MAPK8IP2: variants seen among roughly 807,000 people sequenced by gnomAD.
The protein encoded by MAPK8IP2 is mitogen-activated protein kinase 8 interacting protein 2.
MAPK8IP2 carries 15 observed loss-of-function variants against 75.6 expected under a neutral mutation model. The ratio of observed to expected loss-of-function variants is 0.20; its 90% CI spans 0.13 to 0.31. The LOEUF is 0.31. Ranked by LOEUF, MAPK8IP2 falls within the 10% of genes least tolerant of loss-of-function variation. The probability of loss-of-function intolerance (pLI) is 1.00; values close to 1 mark genes in which losing one functional copy is unlikely to be tolerated. For synonymous variants in MAPK8IP2, 632 were observed against 554.5 expected (o/e 1.14, Z -1.96); for missense variants, 1,089 against 1,211.2 (o/e 0.90, Z 1.50).
chr22:50,604,412 G>C lies in MAPK8IP2; in HGVS notation c.1113G>C (p.Gln371His). The C allele has an allele frequency of 6.6e-7, 1 of 1,503,946 alleles. No individual in the cohort carries two copies. Among genetic ancestry groups the C allele is most frequent in the Non-Finnish European group, 8.8e-7 (1 of 1,131,272 alleles). 93.2% of individuals were successfully genotyped at this position (1,503,946 alleles called of 1,614,324 possible). ...CCTCGCCCATCCGCTGCCCCGGCCA[G>C]TGCCTGTCTCCTGCGCCGCGCCCGC... ...EGSSPIRCPG[Q>H]CLSPAPRPPG... The change falls in exon 5 of 12, where the codon CAG (glutamine) becomes CAC (histidine). Residue 371 changes from glutamine (Q) to histidine (H), a missense_variant. Gln to His is a conservative substitution (Grantham distance 24, BLOSUM62 0). Transcript: ENST00000329492.
In MAPK8IP2 at chr22:50,610,599, G is replaced by T; in HGVS notation, c.2403-108G>T. Reference sequence around the variant, plus strand: ...TGGCCATGCCTGGGTGGGGGGTTATGGATGGCTGCAGAGGGAGGAAGGAGG... The same window carrying T: ...TGGCCATGCCTGGGTGGGGGGTTATTGATGGCTGCAGAGGGAGGAAGGAGG... On this transcript the variant is annotated intron_variant, in intron 11 of 11. Transcript: ENST00000329492. This position sits in a 1 kb window ranked among gnomAD's most constrained non-coding sequence, Gnocchi z 4.3. The T allele has an allele frequency of 1.1e-6, 1 of 910,466 alleles. No individual in the cohort carries two copies. The highest frequency in any genetic ancestry group is 1.7e-6 in the Non-Finnish European group (1 of 582,308). 56.4% of individuals were successfully genotyped at this position (910,466 alleles called of 1,614,324 possible). A position where few individuals can be genotyped will look rare whatever the true frequency, so the allele number is the denominator to read the frequency against.
In MAPK8IP2 at chr22:50,603,463, C is replaced by A; in HGVS notation, c.412C>A (p.Pro138Thr). 6.4e-7 allele frequency: 1 copy of A among 1,567,402 alleles called. No individual in the cohort carries two copies. The part of the protein sequence containing the change: ...PSVEEPHKHR[P>T]TTLRLTTLGA... ...CGTGGAGGAGCCCCACAAGCACCGG[C>A]CCACCACCCTCCGTCTGACCACACT... The change falls in exon 3 of 12, where the codon CCC becomes ACC. Residue 138 changes from proline (P) to threonine (T), a missense_variant. Around this residue, in one of 2 missense-constraint regions of MAPK8IP2, gnomAD observed 960 missense variants for 1,009.6 expected, o/e 0.95. Transcript: ENST00000329492.
chr22:50,610,638 C>G lies in MAPK8IP2; in HGVS notation c.2403-69C>G. On this transcript the variant is annotated intron_variant, in intron 11 of 11. Coordinates refer to ENST00000329492, the MANE Select transcript of MAPK8IP2 (RefSeq NM_012324.6). The surrounding 1 kb of genome is among the most constrained non-coding windows in gnomAD (Gnocchi z 4.3). ...GGAGGAAGGAGGGAGAGCTCAGAGG[C>G]TCTGTGGAAGGCAGTTTGGGGGTTG... is the stretch of plus-strand genomic sequence containing the variant. 7.8e-7 allele frequency: 1 copy of G among 1,280,928 alleles called. No homozygotes were observed. The highest frequency in any genetic ancestry group is 1.1e-6 in the Non-Finnish European group (1 of 900,926). 79.3% of individuals were successfully genotyped at this position (1,280,928 alleles called of 1,614,324 possible).
chr22:50,612,301 G>A lies in MAPK8IP2; in HGVS notation c.*1522G>A, dbSNP rs1485830679. 6.6e-6 allele frequency: 1 copy of A among 152,242 alleles called. No homozygotes were observed. The highest frequency in any genetic ancestry group is 1.5e-5 in the Non-Finnish European group (1 of 68,042). 9.4% of individuals were successfully genotyped at this position (152,242 alleles called of 1,614,324 possible). ...TAGGTGACTGCAGATGCCCGGCAATGTTCCCTCCCAGGCCCTCCTGGGTGA... is the reference window on the plus strand; with the variant it reads ...TAGGTGACTGCAGATGCCCGGCAATATTCCCTCCCAGGCCCTCCTGGGTGA... On this transcript the variant is annotated 3_prime_UTR_variant, in exon 12 of 12. Transcript: ENST00000329492.
intron 1 of MAPK8IP2, 41 bp downstream of exon 1, chr22:50,600,924 C>T (rs1241702356): frequency 4.1e-6 from 4 of 978,878 alleles, no homozygotes; most frequent in Admixed American, 7.2e-5. Context: ...CCCTCCGCTC[C>T]CTGCGCACCC....
rs1460946315 is a variant in MAPK8IP2, at chr22:50,604,989, T to C, written c.1690T>C (p.Ser564Pro). Reference protein sequence around the residue: ...LGGGQVSGDTSPDSPDLTFSK... With the variant: ...LGGGQVSGDTPPDSPDLTFSK... ...CGGCGGTCAGGTCTCGGGGGACACC[T>C]CGCCGGACAGCCCTGACCTCACTTT... Residue 564 changes from serine (S) to proline (P), a missense_variant, in exon 5 of 12, where the codon TCG becomes CCG. Transcript: ENST00000329492. 6.2e-7 allele frequency: 1 copy of C among 1,612,172 alleles called. No individual in the cohort carries two copies. The highest frequency in any genetic ancestry group is 1.1e-5 in the South Asian group (1 of 91,062).
chr22:50,612,154 A>G lies in MAPK8IP2; in HGVS notation c.*1375A>G. 6.6e-6 allele frequency: 1 copy of G among 152,404 alleles called. No homozygotes were observed. 9.4% of individuals were successfully genotyped at this position (152,404 alleles called of 1,614,324 possible). ...ACCACTGCACTCCAGCCTGGGCGAC[A>G]GAGGGAGACTCCGTCTCAGAAAAAG... On this transcript the variant is annotated 3_prime_UTR_variant, in exon 12 of 12. Coordinates refer to ENST00000329492, the MANE Select transcript of MAPK8IP2 (RefSeq NM_012324.6).
chr22:50,601,013 T>A (rs1386302109), intron 1 of MAPK8IP2, 130 bp downstream of exon 1: 3 of 94,992 alleles, frequency 3.2e-5, no homozygotes, highest in African/African-American at 1.2e-4. Flanking sequence ...CCCGGCCCCC[T>A]GCGGTCCCTG....
In MAPK8IP2 at chr22:50,612,306, C is replaced by T. The variant is rs2071162869; in HGVS notation, c.*1527C>T. On this transcript the variant is annotated 3_prime_UTR_variant, in exon 12 of 12. Coordinates refer to ENST00000329492, the MANE Select transcript of MAPK8IP2 (RefSeq NM_012324.6). The stretch of plus-strand genomic sequence containing the variant: ...GACTGCAGATGCCCGGCAATGTTCC[C>T]TCCCAGGCCCTCCTGGGTGAGCCCG... 1 of 152,188 alleles carries T rather than the reference C, an allele frequency of 6.6e-6. No individual in the cohort carries two copies. 9.4% of individuals were successfully genotyped at this position (152,188 alleles called of 1,614,324 possible).
At chr22:50,601,949 C>A (rs1040380581) in intron 2 of MAPK8IP2, 55 bp downstream of exon 2, 1 of 1,444,640 alleles carries the variant, frequency 6.9e-7, no homozygotes, top group Non-Finnish European at 9.7e-7. Flanking sequence ...TCATTAGGTT[C>A]TTCTTAGCGT....
Position 50,610,849 on chromosome 22 carries a change from C to T in MAPK8IP2, c.*70C>T. ...TGGGGCTGAGGATGTCTCAAGAGGC[C>T]ACCATGGCTTTGGCAAGGACTGGAT... On this transcript the variant is annotated 3_prime_UTR_variant, in exon 12 of 12. Transcript: ENST00000329492. This position sits in a 1 kb window ranked among gnomAD's most constrained non-coding sequence, Gnocchi z 4.3. 1.4e-6 allele frequency: 2 copies of T among 1,381,144 alleles called. No homozygotes were observed. The highest frequency in any genetic ancestry group is 1.3e-5 in the South Asian group (1 of 79,636). 85.6% of individuals were successfully genotyped at this position (1,381,144 alleles called of 1,614,324 possible).
rs774727078 is a variant in MAPK8IP2, at chr22:50,605,583, C to T, written c.1863C>T (p.Asp621=). 25 of 1,592,024 alleles carry T rather than the reference C, an allele frequency of 1.6e-5. 2 individuals carry two copies. Among genetic ancestry groups the T allele is most frequent in the South Asian group, 1.4e-4 (12 of 88,506 alleles). ...GCAGGTTCATCCCGCGGCATCCAGACGAGCTGGAGCTGGATGTGGATGACC... is the reference window on the plus strand; with the variant it reads ...GCAGGTTCATCCCGCGGCATCCAGATGAGCTGGAGCTGGATGTGGATGACC... ...AVFRFIPRHP[D]ELELDVDDPV... is the part of the protein sequence containing the mutation. The change falls in exon 7 of 12, where the codon GAC becomes GAT. Residue 621 remains aspartate (D), a synonymous_variant. Transcript: ENST00000329492.
In MAPK8IP2 at chr22:50,610,040, G is replaced by T; in HGVS notation, c.2304-172G>T. 1.4e-6 allele frequency: 1 copy of T among 727,208 alleles called. No individual in the cohort carries two copies. Among genetic ancestry groups the T allele is most frequent in the Non-Finnish European group, 2.5e-6 (1 of 399,948 alleles). 45.0% of individuals were successfully genotyped at this position (727,208 alleles called of 1,614,324 possible). ...GGTAGGTGCCCAGCCCTGTGCTTGGGCTGAAACCAAAAAAAGACAACTTCA... is the reference window on the plus strand; with the variant it reads ...GGTAGGTGCCCAGCCCTGTGCTTGGTCTGAAACCAAAAAAAGACAACTTCA... On this transcript the variant is annotated intron_variant, in intron 10 of 11. Coordinates refer to ENST00000329492, the MANE Select transcript of MAPK8IP2 (RefSeq NM_012324.6). This position sits in a 1 kb window ranked among gnomAD's most constrained non-coding sequence, Gnocchi z 4.3.
At position 50,610,574 on chromosome 22, in the gene MAPK8IP2, T is replaced by C; in HGVS notation, c.2403-133T>C. 1.3e-6 allele frequency: 1 copy of C among 757,572 alleles called. No homozygotes were observed. The highest frequency in any genetic ancestry group is 2.2e-6 in the Non-Finnish European group (1 of 452,792). The allele number at this position is 757,572 out of a possible 1,614,324, so 46.9% of individuals were successfully genotyped here. On this transcript the variant is annotated intron_variant, in intron 11 of 11. Coordinates refer to ENST00000329492, the MANE Select transcript of MAPK8IP2 (RefSeq NM_012324.6). This position sits in a 1 kb window ranked among gnomAD's most constrained non-coding sequence, Gnocchi z 4.3. ...CTGAGGGTCACACTTGGGGGTGACA[T>C]GGCCATGCCTGGGTGGGGGGTTATG...
chr22:50,607,044 G>T lies in MAPK8IP2; in HGVS notation c.2303+53G>T. On this transcript the variant is annotated intron_variant, in intron 10 of 11. Coordinates refer to ENST00000329492, the MANE Select transcript of MAPK8IP2 (RefSeq NM_012324.6). The surrounding 1 kb of genome is among the most constrained non-coding windows in gnomAD (Gnocchi z 5.6). Reference sequence around the variant, plus strand: ...CCAACCGCCCCCACAAACCCTGAGAGTCCAACCGCCCCCTGAGTCCCCACA... The same window carrying T: ...CCAACCGCCCCCACAAACCCTGAGATTCCAACCGCCCCCTGAGTCCCCACA... The T allele has an allele frequency of 6.8e-7, 1 of 1,473,896 alleles. No individual in the cohort carries two copies. The highest frequency in any genetic ancestry group is 9.5e-7 in the Non-Finnish European group (1 of 1,053,238). The allele number at this position is 1,473,896 out of a possible 1,614,324, so 91.3% of individuals were successfully genotyped here.
Position 50,610,197 on chromosome 22 carries a change from C to T in MAPK8IP2, c.2304-15C>T, listed in dbSNP as rs1422209443. 6.3e-7 allele frequency: 1 copy of T among 1,590,788 alleles called. No individual in the cohort carries two copies. Among genetic ancestry groups the T allele is most frequent in the Non-Finnish European group, 8.6e-7 (1 of 1,168,196 alleles). On this transcript the variant is annotated splice_polypyrimidine_tract_variant and intron_variant, in intron 10 of 11. Transcript: ENST00000329492. The surrounding 1 kb of genome is among the most constrained non-coding windows in gnomAD (Gnocchi z 4.3). The stretch of plus-strand genomic sequence containing the variant: ...CCAGGGCTCTGACGTGCCCTCCACA[C>T]TGACTTGCCCGCAGCTATTTCGGCT...
chr22:50,603,577 C>G (rs41282361), intron 3 of MAPK8IP2, 49 bp from the exon 4 acceptor site: 57,110 of 1,581,692 alleles, frequency 0.036, 1,207 homozygotes, highest in Non-Finnish European at 0.04. Flanking sequence ...CTGCTCACCC[C>G]CTGGGAGCTG....
chr22:50,603,864 A>G lies in MAPK8IP2; in HGVS notation c.565A>G (p.Thr189Ala). 6.5e-7 allele frequency: 1 copy of G among 1,533,392 alleles called. No individual in the cohort carries two copies. The highest frequency in any genetic ancestry group is 1.2e-5 in the South Asian group (1 of 82,948). 95.0% of individuals were successfully genotyped at this position (1,533,392 alleles called of 1,614,324 possible). A position where few individuals can be genotyped will look rare whatever the true frequency, so the allele number is the denominator to read the frequency against. The change falls in exon 5 of 12, where the codon ACG becomes GCG. Residue 189 changes from threonine (T) to alanine (A), a missense_variant. Physicochemically the swap from Thr to Ala is moderately conservative, Grantham distance 58. Transcript: ENST00000329492. ...AGAGCTCCCGGGCCCCCTCCCTGCCACGGACACCGGGCCCGGCGGGGCGCA... is the reference window on the plus strand; with the variant it reads ...AGAGCTCCCGGGCCCCCTCCCTGCCGCGGACACCGGGCCCGGCGGGGCGCA... ...LRELPGPLPA[T>A]DTGPGGAQSP...
intron 5 of MAPK8IP2, 102 bp from the exon 6 acceptor site, chr22:50,605,266 G>A: frequency 8.4e-7 from 1 of 1,196,880 alleles, no homozygotes; most frequent in East Asian, 2.4e-5. Flanking sequence ...ACCTACACCG[G>A]ACTGTGGAGG....
Sources: gnomAD v4.1 joint callset for allele counts on GRCh38, gnomAD v4.1.1 for gene constraint, gnomAD v4.1.1 regional missense constraint, Gnocchi (gnomAD v3.1) non-coding constraint, MANE v1.5 for transcripts, NCBI Gene and HGNC (gene_info 2026-07-23, HGNC 2026-07-21) for gene names.